The following NUP155 variants were observed in gnomAD, a reference collection of about 807,000 sequenced individuals.
The protein encoded by NUP155 is nucleoporin 155, also known as nuclear pore complex protein Nup155.
NUP155 carries 71 observed loss-of-function variants against 180.4 expected under a neutral mutation model. That is an observed-to-expected ratio of 0.39 (90% CI 0.33 to 0.48). The LOEUF is 0.48. Ranked by LOEUF, NUP155 falls within the 20% of genes least tolerant of loss-of-function variation. The pLI is 0.91. For missense variants in NUP155, 1,553 were observed against 1,648.9 expected (o/e 0.94, Z 1.01); for synonymous variants, 582 against 559.5 (o/e 1.04, Z -0.57).
intron 33 of NUP155, among the ~76,000 whole-genome samples, chr5:37,293,441 T>C (rs185966666): frequency 1.3e-5 from 2 of 152,206 alleles, no homozygotes; most frequent in Non-Finnish European, 2.9e-5. Flanking sequence ...ATCTCTGCTC[T>C]TGTTTTTTGC....
In NUP155 at chr5:37,307,953, ATAT is replaced by A. The variant is rs200048995; in HGVS notation, c.2768-524_2768-522del. On this transcript the variant is annotated intron_variant, in intron 24 of 34. Coordinates refer to ENST00000231498, the MANE Select transcript of NUP155 (RefSeq NM_153485.3). Reference sequence around the variant, plus strand: ...AAAAAAAGAAAAAGGAAAAAAAAAAATATATATATATATATATTTCTTCATTGG... The same window carrying A: ...AAAAAAAGAAAAAGGAAAAAAAAAAAATATATATATATATTTCTTCATTGG... Among the ~76,000 whole-genome samples the A allele has an allele frequency of 9.2e-3, 1,054 of 114,482 alleles. 6 individuals are homozygous for A. Among genetic ancestry groups the A allele is most frequent in the Middle Eastern group, 0.024 (5 of 208 alleles). The allele number at this position is 114,482 out of a possible 152,430, so 75.1% of individuals were successfully genotyped here. A position where few individuals can be genotyped will look rare whatever the true frequency, so the allele number is the denominator to read the frequency against.
Position 37,364,335 on chromosome 5 carries a change from T to C in NUP155, c.207A>G (p.Gly69=). ...GGTTGGGTACGGACAGCAAACCAGG[T>C]CCTTGCAAAGGATAATCCATATCTG... ...GMSDMDYPLQ[G]PGLLSVPNLP... Residue 69 remains glycine (G), a synonymous_variant, in exon 2 of 35, where the codon GGA becomes GGG. Transcript: ENST00000231498. 1 of 1,610,976 alleles carries C rather than the reference T, an allele frequency of 6.2e-7. No homozygotes were observed. Among genetic ancestry groups the C allele is most frequent in the Non-Finnish European group, 8.5e-7 (1 of 1,177,172 alleles).
In NUP155 at chr5:37,330,061, G is replaced by A. The variant is rs921891324; in HGVS notation, c.1701C>T (p.Ala567=). The A allele has an allele frequency of 1.2e-6, 2 of 1,613,464 alleles. No homozygotes were observed. Among genetic ancestry groups the A allele is most frequent in the Non-Finnish European group, 1.7e-6 (2 of 1,179,574 alleles). Residue 567 remains alanine (A), a synonymous_variant, in exon 15 of 35, where the codon GCC becomes GCT. Transcript: ENST00000231498. The stretch of plus-strand genomic sequence containing the variant: ...ACCTAAAGAAAGCCCGAGTAGCCCA[G>A]GCAGATACTTCTCTATCACAGGCAG... ...STAACDREVS[A]WATRAFFRYG...
rs547747247 is a variant in NUP155 at position 37,371,095 on chromosome 5, T to G, written c.-118A>C. 1 of 1,006,318 alleles carries G rather than the reference T, an allele frequency of 9.9e-7. No individual in the cohort carries two copies. Among genetic ancestry groups the G allele is most frequent in the Non-Finnish European group, 1.5e-6 (1 of 667,340 alleles). The allele number at this position is 1,006,318 out of a possible 1,614,324, so 62.3% of individuals were successfully genotyped here. On this transcript the variant is annotated 5_prime_UTR_variant, in exon 1 of 35. Coordinates refer to ENST00000231498, the MANE Select transcript of NUP155 (RefSeq NM_153485.3). ...GGGCGCGCGCGCCAAACGAGCGCCT[T>G]GGCGCCTCGACATGACGCACTTCCG...
intron 28 of NUP155, 89 bp downstream of exon 28, chr5:37,303,169 CTT>C: frequency 6.8e-7 from 1 of 1,468,702 alleles, no homozygotes; most frequent in East Asian, 2.3e-5. Flanking sequence ...TATATTAAAA[CTT>C]AGATTCTTCT....
intron 12 of NUP155, among the ~76,000 whole-genome samples, chr5:37,333,987 G>A (rs919563581): frequency 2.6e-5 from 4 of 151,844 alleles, no homozygotes; most frequent in Admixed American, 2.0e-4. Flanking sequence ...TTTTAGTGGG[G>A]ACGGGGTTTC....
chr5:37,348,659 C>G (rs570978134), intron 8 of NUP155, 63 bp from the exon 9 acceptor site: 101 of 960,180 alleles, frequency 1.1e-4, no homozygotes, highest in Non-Finnish European at 1.6e-4. Context: ...TTATTAAACT[C>G]TTTCTTTTAA....
intron 3 of NUP155, among the ~76,000 whole-genome samples, chr5:37,361,161 C>A (rs1048350810): frequency 6.6e-5 from 10 of 150,736 alleles, no homozygotes; most frequent in Non-Finnish European, 1.3e-4. Flanking sequence ...CCCAGCTACT[C>A]CAGAGGCTGA....
Position 37,304,852 on chromosome 5 carries a change from A to T in NUP155, c.3058-9T>A. On this transcript the variant is annotated splice_polypyrimidine_tract_variant and intron_variant, in intron 26 of 34. Coordinates refer to ENST00000231498, the MANE Select transcript of NUP155 (RefSeq NM_153485.3). Reference sequence around the variant, plus strand: ...TTAAGCATTTGTTCAAACTAAAATAAAGAAAATAGTAAAAATTAGCAGTTA... The same window carrying T: ...TTAAGCATTTGTTCAAACTAAAATATAGAAAATAGTAAAAATTAGCAGTTA... 1 of 1,610,406 alleles carries T rather than the reference A, an allele frequency of 6.2e-7. No individual in the cohort carries two copies. Among genetic ancestry groups the T allele is most frequent in the Non-Finnish European group, 8.5e-7 (1 of 1,176,748 alleles).
At chr5:37,315,370 T>C (rs943409019) in intron 21 of NUP155, among the ~76,000 whole-genome samples, 1 of 152,248 alleles carries the variant, frequency 6.6e-6, no homozygotes, top group Non-Finnish European at 1.5e-5. Context: ...AACTTGTATC[T>C]GGAATAACTG....
chr5:37,318,953 T>TATAC (rs1744078600), intron 20 of NUP155, among the ~76,000 whole-genome samples: 1 of 152,196 alleles, frequency 6.6e-6, no homozygotes, highest in African/African-American at 2.4e-5. Context: ...GTGCAAAATG[T>TATAC]ATACGAAGAT....
Position 37,337,833 on chromosome 5 carries a change from T to A in NUP155, c.1332A>T (p.Pro444=). 1 of 1,605,652 alleles carries A rather than the reference T, an allele frequency of 6.2e-7. No homozygotes were observed. The highest frequency in any genetic ancestry group is 8.5e-7 in the Non-Finnish European group (1 of 1,172,618). Residue 444 remains proline (P), a synonymous_variant, in exon 12 of 35, where the codon CCA becomes CCT. Coordinates refer to ENST00000231498, the MANE Select transcript of NUP155 (RefSeq NM_153485.3). ...VNHDTFPFQK[P]MMETQMTAGV... is the part of the protein sequence containing the mutation. ...GATAACTTACCTGGGTTTCCATCAT[T>A]GGCTTTTGGAAAGGAAAAGTATCAT...
intron 13 of NUP155, 103 bp downstream of exon 13, chr5:37,333,360 A>C: frequency 9.0e-7 from 1 of 1,109,674 alleles, no homozygotes; most frequent in Non-Finnish European, 1.4e-6. Context: ...TCTCAAAAAA[A>C]AAAGAAAGAA....
At chr5:37,365,752 T>TACACACACACACACACACACACACAC (rs372031424) in intron 1 of NUP155, among the ~76,000 whole-genome samples, 1 of 37,890 alleles carries the variant, frequency 2.6e-5, no homozygotes, top group African/African-American at 1.1e-4. Flanking sequence ...TATATATATA[T>TACACACACACACACACACACACACAC]ACACACACAC....
In NUP155 at chr5:37,370,829, G is replaced by C; in HGVS notation, c.149C>G (p.Ser50Cys). ...GGGTCACTATCACTCACTTGGGGCAGACACCATAAGCAGCTCGGAAAGGTC... is the reference window on the plus strand; with the variant it reads ...GGGTCACTATCACTCACTTGGGGCACACACCATAAGCAGCTCGGAAAGGTC... ...YPDLSELLMV[S>C]APNNPTVSGM... Residue 50 changes from serine to cysteine, a missense_variant, in exon 1 of 35, where the codon TCT (serine) becomes TGT (cysteine). Transcript: ENST00000231498. The C allele has an allele frequency of 1.2e-6, 2 of 1,614,190 alleles. No individual in the cohort carries two copies. Among genetic ancestry groups the C allele is most frequent in the South Asian group, 2.2e-5 (2 of 91,084 alleles).
chr5:37,368,572 C>A (rs902912162), intron 1 of NUP155, among the ~76,000 whole-genome samples: 6 of 151,746 alleles, frequency 4.0e-5, no homozygotes, highest in Admixed American at 3.9e-4. Flanking sequence ...GTAATCCCAA[C>A]ACTTTGGGAG....
intron 18 of NUP155, among the ~76,000 whole-genome samples, chr5:37,326,326 T>C (rs1033069138): frequency 1.2e-4 from 18 of 152,184 alleles, no homozygotes; most frequent in Admixed American, 1.0e-3. Context: ...GATAGCTAAC[T>C]AAGATAACAT....
chr5:37,294,184 T>C (rs1742392970), intron 33 of NUP155, 145 bp downstream of exon 33: 1 of 596,046 alleles, frequency 1.7e-6, no homozygotes, highest in Admixed American at 3.0e-5. Flanking sequence ...GTTTAAAAAG[T>C]CAAAAGCATA....
At chr5:37,315,814 A>G (rs1394807230) in intron 21 of NUP155, among the ~76,000 whole-genome samples, 2 of 152,162 alleles carry the variant, frequency 1.3e-5, no homozygotes, top group African/African-American at 2.4e-5. Context: ...GTGGTGACAC[A>G]TGCCTGTAAC....
Sources: allele counts gnomAD v4.1 joint callset (sites outside exome capture counted in the v4.1 genomes callset), GRCh38; gene constraint gnomAD v4.1.1; transcripts MANE v1.5; gene names NCBI Gene and HGNC (gene_info 2026-07-23, HGNC 2026-07-21).